The following CSMD2 variants were observed in gnomAD, a reference collection of about 807,000 sequenced individuals.
The protein encoded by CSMD2 is CUB and sushi domain-containing protein 2.
A neutral mutation model predicts 398.5 loss-of-function variants in CSMD2; 130 were observed. That is an observed-to-expected ratio of 0.33 (90% CI 0.28 to 0.38). The LOEUF is 0.38. Among genes scored for constraint, CSMD2 ranks in the 10% least tolerant of loss-of-function variants. The probability of loss-of-function intolerance (pLI) is 1.00; values close to 1 mark genes in which losing one functional copy is unlikely to be tolerated. For missense variants in CSMD2, 3,829 were observed against 4,764.9 expected, an observed-to-expected ratio of 0.80 and a Z score of 5.78; for synonymous variants, 1,828 against 1,908.5, an observed-to-expected ratio of 0.96 and a Z score of 1.10.
chr1:34,062,670 T>C (rs1654648770), intron 2 of CSMD2, among the ~76,000 whole-genome samples: 1 of 152,204 alleles, frequency 6.6e-6, no homozygotes, highest in Non-Finnish European at 1.5e-5. Context: ...CTCCAACATC[T>C]GTGGCTGAAC....
At chr1:33,891,248 A>T (rs1225747125) in intron 5 of CSMD2, among the ~76,000 whole-genome samples, 2 of 151,760 alleles carry the variant, frequency 1.3e-5, no homozygotes, top group East Asian at 3.8e-4. Context: ...GGACATGAAC[A>T]GACATTTCTC....
intron 5 of CSMD2, among the ~76,000 whole-genome samples, 153 bp from the exon 6 acceptor site, chr1:33,847,149 G>A (rs562685462): frequency 6.6e-6 from 1 of 152,144 alleles, no homozygotes; most frequent in Non-Finnish European, 1.5e-5. Flanking sequence ...GGCCCCTCCA[G>A]TACCCTAGGC....
intron 1 of CSMD2, among the ~76,000 whole-genome samples, chr1:34,136,387 T>A (rs1316092943): frequency 1.3e-5 from 2 of 152,324 alleles, no homozygotes; most frequent in East Asian, 3.9e-4. Flanking sequence ...TGTGAACAAG[T>A]GTTATCTATT....
intron 19 of CSMD2, among the ~76,000 whole-genome samples, chr1:33,723,344 G>T (rs986457142): frequency 5.9e-5 from 9 of 152,150 alleles, no homozygotes; most frequent in Non-Finnish European, 1.0e-4. Context: ...AAAACCTCTA[G>T]CCTTGGGCCT....
At chr1:34,096,094 G>A (rs1659262935) in intron 1 of CSMD2, among the ~76,000 whole-genome samples, 1 of 151,926 alleles carries the variant, frequency 6.6e-6, no homozygotes, top group Non-Finnish European at 1.5e-5. Flanking sequence ...TGGGATGCAA[G>A]GCTGGTTCAA....
chr1:34,027,997 C>G (rs1649898197), intron 3 of CSMD2, among the ~76,000 whole-genome samples: 1 of 152,170 alleles, frequency 6.6e-6, no homozygotes, highest in Non-Finnish European at 1.5e-5. Flanking sequence ...TCAGTTCTAG[C>G]AACTGAAAAT....
chr1:33,718,206 C>T (rs1646237376), intron 19 of CSMD2, among the ~76,000 whole-genome samples: 1 of 152,188 alleles, frequency 6.6e-6, no homozygotes, highest in Non-Finnish European at 1.5e-5. Context: ...GGTGCGGCCT[C>T]TCAGGCTACA....
chr1:34,057,924 A>C (rs772849753), intron 2 of CSMD2, among the ~76,000 whole-genome samples: 1 of 152,116 alleles, frequency 6.6e-6, no homozygotes, highest in Non-Finnish European at 1.5e-5. Context: ...GGTTGGGGTG[A>C]GGAGGTGAGG....
chr1:33,674,400 G>A (rs6656365), intron 25 of CSMD2, among the ~76,000 whole-genome samples: 141,817 of 152,076 alleles, frequency 0.93, 66,193 homozygotes, highest in African/African-American at 0.96. Context: ...TTCAACAAGA[G>A]GAGCTAACTA....
intron 29 of CSMD2, among the ~76,000 whole-genome samples, chr1:33,639,190 G>A (rs2148925174): frequency 6.6e-6 from 1 of 152,306 alleles, no homozygotes; most frequent in East Asian, 1.9e-4. Context: ...TGGGATCCAT[G>A]GACTAGCATG....
In CSMD2 at chr1:33,707,081, G is replaced by A. The variant is rs1011559903; in HGVS notation, c.3576+2008C>T. Among the ~76,000 whole-genome samples the A allele has an allele frequency of 7.9e-5, 12 of 152,232 alleles. No homozygotes were observed. In the East Asian group the frequency reaches 9.7e-4, roughly 12 times the overall value. ...CTGAAGCCAGAACCCTGACGGTGCC[G>A]TTGAGTGTGCACACCTGCTGACTAT... is the stretch of plus-strand genomic sequence containing the variant. On this transcript the variant is annotated intron_variant, in intron 22 of 70. Transcript: ENST00000373381.
At chr1:33,969,638 T>C (rs1645683166) in intron 3 of CSMD2, among the ~76,000 whole-genome samples, 1 of 152,248 alleles carries the variant, frequency 6.6e-6, no homozygotes, top group Non-Finnish European at 1.5e-5. Flanking sequence ...GTGACTTTCC[T>C]GAGATCACAC....
In CSMD2 at chr1:33,792,432, A is replaced by G. The variant is rs746743316; in HGVS notation, c.1541T>C (p.Val514Ala). 6.2e-7 allele frequency: 1 copy of G among 1,612,948 alleles called. No individual in the cohort carries two copies. The highest frequency in any genetic ancestry group is 1.1e-5 in the South Asian group (1 of 91,050). Residue 514 changes from valine (V) to alanine (A), a missense_variant, in exon 11 of 71, where the codon GTT (valine) becomes GCT (alanine). Transcript: ENST00000373381. ...DGGQDGDQKT[V>A]LYILTGTSVP... ...GCCCCACTGCACTTACATGTAGAGA[A>G]CTGTCTTCTGGTCCCCATCCTGACC...
chr1:33,524,387 A>G (rs553714112), intron 66 of CSMD2, among the ~76,000 whole-genome samples: 1 of 152,344 alleles, frequency 6.6e-6, no homozygotes, highest in African/African-American at 2.4e-5. Flanking sequence ...AAGGATCTTG[A>G]CACAAATCGC....
intron 3 of CSMD2, among the ~76,000 whole-genome samples, chr1:34,008,715 A>G (rs1647143526): frequency 6.6e-6 from 1 of 152,212 alleles, no homozygotes; most frequent in Non-Finnish European, 1.5e-5. Flanking sequence ...TCATTTATTC[A>G]TTAATAGCTT....
chr1:34,087,752 C>T (rs1658068868), intron 2 of CSMD2, among the ~76,000 whole-genome samples: 1 of 152,086 alleles, frequency 6.6e-6, no homozygotes, highest in Non-Finnish European at 1.5e-5. Flanking sequence ...TCCCCATTAG[C>T]ATGTAACCTC....
At chr1:33,726,984 C>T (rs925527350) in intron 15 of CSMD2, among the ~76,000 whole-genome samples, 1 of 152,106 alleles carries the variant, frequency 6.6e-6, no homozygotes, top group Non-Finnish European at 1.5e-5. Context: ...GGTGTTTTTC[C>T]TTCGTTCCTC....
chr1:33,960,572 G>T (rs932077504), intron 3 of CSMD2, among the ~76,000 whole-genome samples: 10 of 152,226 alleles, frequency 6.6e-5, no homozygotes, highest in African/African-American at 2.2e-4. Flanking sequence ...GGAGACAGAT[G>T]TGCAGCCAAA....
chr1:33,721,830 A>C (rs1646368568), intron 19 of CSMD2, among the ~76,000 whole-genome samples: 1 of 152,240 alleles, frequency 6.6e-6, no homozygotes. Flanking sequence ...TATATTTTAG[A>C]TGTAATGTGT....
Sources: gnomAD v4.1 joint callset for allele counts (sites outside exome capture counted in the v4.1 genomes callset) on GRCh38, gnomAD v4.1.1 for gene constraint, MANE v1.5 for transcripts, NCBI Gene and HGNC (gene_info 2026-07-23, HGNC 2026-07-21) for gene names.